CWC27: variants seen among roughly 807,000 people sequenced by gnomAD.
CWC27 encodes the protein spliceosome-associated protein CWC27 homolog.
CWC27 carries 47 observed loss-of-function variants against 63.6 expected under a neutral mutation model. That is an observed-to-expected ratio of 0.74 (90% CI 0.58 to 0.94). CWC27 has a LOEUF of 0.94. CWC27 is among the 40% of genes least tolerant of loss of function. CWC27 has a pLI of 0.00. For missense variants in CWC27, 495 were observed against 554.3 expected (o/e 0.89, Z 1.07); for synonymous variants, 175 against 179.8 (o/e 0.97, Z 0.22).
chr5:64,822,081 T>A (rs1745213662), intron 10 of CWC27, among the ~76,000 whole-genome samples: 1 of 152,126 alleles, frequency 6.6e-6, no homozygotes. Context: ...TAGAAAACAA[T>A]ACAAAGATTT....
At chr5:64,845,043 A>G (rs1343199943) in intron 10 of CWC27, 1 of 456,670 alleles carries the variant, frequency 2.2e-6, no homozygotes, top group African/African-American at 2.0e-5. Flanking sequence ...AAGCCATCAC[A>G]GTTTCTAGCC....
chr5:64,964,882 A>G (rs1196078570), intron 11 of CWC27, among the ~76,000 whole-genome samples: 3 of 152,188 alleles, frequency 2.0e-5, no homozygotes, highest in African/African-American at 4.8e-5. Flanking sequence ...TGTTGAGTAT[A>G]TCTTTAAAAA....
intron 7 of CWC27, among the ~76,000 whole-genome samples, chr5:64,795,968 C>T (rs761510820): frequency 6.7e-6 from 1 of 149,422 alleles, no homozygotes; most frequent in Non-Finnish European, 1.5e-5. Context: ...CAGAGAATTT[C>T]CTAATAATAG....
intron 11 of CWC27, among the ~76,000 whole-genome samples, chr5:64,924,018 C>G (rs547324031): frequency 1.3e-5 from 2 of 152,240 alleles, no homozygotes; most frequent in African/African-American, 4.8e-5. Flanking sequence ...CACTTCTTCA[C>G]TTCTGTTAAC....
intron 10 of CWC27, among the ~76,000 whole-genome samples, chr5:64,860,027 A>AG (rs755992867): frequency 2.2e-4 from 34 of 152,296 alleles, no homozygotes; most frequent in African/African-American, 8.2e-4. Flanking sequence ...CAACCCTACA[A>AG]GGTAGTTACT....
chr5:64,910,115 G>A (rs1187080172), intron 11 of CWC27, among the ~76,000 whole-genome samples: 1 of 152,144 alleles, frequency 6.6e-6, no homozygotes. Context: ...GGATTTTGGT[G>A]TGGATGTCCT....
intron 7 of CWC27, among the ~76,000 whole-genome samples, chr5:64,797,557 T>C (rs141388408): frequency 1.7e-3 from 256 of 152,310 alleles, no homozygotes; most frequent in African/African-American, 5.8e-3. Context: ...TGTCAAGTCT[T>C]ATTTTAAATT....
chr5:64,878,369 T>C (rs1431283522), intron 10 of CWC27, among the ~76,000 whole-genome samples: 1 of 149,926 alleles, frequency 6.7e-6, no homozygotes, highest in African/African-American at 2.5e-5. Flanking sequence ...TTTAAATTGC[T>C]AATGTAATTT....
chr5:64,797,298 A>C (rs1248380267), intron 7 of CWC27, among the ~76,000 whole-genome samples: 3 of 152,188 alleles, frequency 2.0e-5, no homozygotes, highest in Non-Finnish European at 4.4e-5. Context: ...AAAGTAGGTC[A>C]TTAAGAAAGA....
At chr5:64,994,002 T>C (rs1402521655) in intron 13 of CWC27, among the ~76,000 whole-genome samples, 1 of 152,228 alleles carries the variant, frequency 6.6e-6, no homozygotes, top group East Asian at 1.9e-4. Flanking sequence ...TGTATTTCTT[T>C]AAAGGTAGTT....
chr5:64,817,343 C>T (rs1168163909), intron 10 of CWC27, among the ~76,000 whole-genome samples: 1 of 152,088 alleles, frequency 6.6e-6, no homozygotes, highest in Non-Finnish European at 1.5e-5. Flanking sequence ...GGTACTTATT[C>T]AAGTGACCTA....
At position 64,885,544 on chromosome 5, in the gene CWC27, A is replaced by C. The variant is rs769520758; in HGVS notation, c.1040A>C (p.Glu347Ala). The change falls in exon 11 of 14, where the codon GAA becomes GCA. Residue 347 changes from glutamate (E) to alanine (A), a missense_variant and splice_region_variant. Glu to Ala is a moderately radical substitution (Grantham distance 107, BLOSUM62 -1). Transcript: ENST00000381070. ...NAAKQAEKRS[E>A]EEEAPPDGAV... ...GCAAAACAAGCAGAAAAAAGAAGTG[A>C]AGGTAAGGGCATTTATCACGCTTAT... 6.3e-7 allele frequency: 1 copy of C among 1,593,770 alleles called. No individual in the cohort carries two copies. The highest frequency in any genetic ancestry group is 1.3e-5 in the African/African-American group (1 of 74,794).
At chr5:64,891,043 A>G (rs185619101) in intron 11 of CWC27, among the ~76,000 whole-genome samples, 227 of 152,312 alleles carry the variant, frequency 1.5e-3, no homozygotes, top group Non-Finnish European at 2.8e-3. Context: ...CAAGAACATA[A>G]GAGTCAAATA....
At chr5:64,877,716 A>G (rs1237128493) in intron 10 of CWC27, among the ~76,000 whole-genome samples, 1 of 152,028 alleles carries the variant, frequency 6.6e-6, no homozygotes, top group Non-Finnish European at 1.5e-5. Context: ...GTAAATAAAT[A>G]AAATATTCAG....
intron 10 of CWC27, among the ~76,000 whole-genome samples, chr5:64,822,797 A>G (rs1459863939): frequency 6.6e-6 from 1 of 152,172 alleles, no homozygotes; most frequent in East Asian, 1.9e-4. Context: ...CATTTTTGGA[A>G]AAGAGTAATA....
At chr5:64,811,891 G>A (rs1219532996) in intron 10 of CWC27, among the ~76,000 whole-genome samples, 1 of 151,984 alleles carries the variant, frequency 6.6e-6, no homozygotes, top group African/African-American at 2.4e-5. Flanking sequence ...TCTAAGGTCT[G>A]GATGAACACC....
At chr5:64,832,459 A>G (rs1745549792) in intron 10 of CWC27, among the ~76,000 whole-genome samples, 1 of 151,696 alleles carries the variant, frequency 6.6e-6, no homozygotes, top group Admixed American at 6.6e-5. Flanking sequence ...GATTAGAATA[A>G]CAAAGTTTGT....
intron 11 of CWC27, among the ~76,000 whole-genome samples, chr5:64,935,748 T>C (rs1314308326): frequency 6.6e-6 from 1 of 151,580 alleles, no homozygotes; most frequent in Non-Finnish European, 1.5e-5. Context: ...TGGAATGTTT[T>C]TGCGTTTGTG....
intron 11 of CWC27, among the ~76,000 whole-genome samples, chr5:64,948,010 G>A (rs890975291): frequency 6.6e-6 from 1 of 152,028 alleles, no homozygotes; most frequent in Non-Finnish European, 1.5e-5. Context: ...GCTCAGGTAT[G>A]CACAGAGAAT....
Sources: allele counts gnomAD v4.1 joint callset (sites outside exome capture counted in the v4.1 genomes callset), GRCh38; gene constraint gnomAD v4.1.1; transcripts MANE v1.5; gene names NCBI Gene and HGNC (gene_info 2026-07-23, HGNC 2026-07-21).